The following MBNL3 variants were observed in gnomAD, a reference collection of about 807,000 sequenced individuals.
MBNL3 encodes the protein muscleblind-like protein 3.
MBNL3 carries 6 observed loss-of-function variants against 24.5 expected under a neutral mutation model. The observed-to-expected ratio is 0.25, with a 90% CI of 0.13 to 0.48. The LOEUF (loss-of-function observed/expected upper bound fraction) is 0.48, where lower values mean the gene tolerates loss of function less well. Ranked by LOEUF, MBNL3 falls within the 20% of genes least tolerant of loss-of-function variation. The pLI, the probability that MBNL3 is intolerant of heterozygous loss-of-function variation, is 0.99. For synonymous variants in MBNL3, 100 were observed against 101.7 expected (o/e 0.98, Z 0.10); for missense variants, 230 against 293.5 (o/e 0.78, Z 1.58).
At chrX:132,471,547 G>A (rs1249765558) in intron 1 of MBNL3, among the ~76,000 whole-genome samples, 4 of 112,543 alleles carry the variant, frequency 3.6e-5, no homozygotes, top group South Asian at 3.7e-4. Context: ...CTAGCCAAGC[G>A]TGGTGGCACA....
intron 1 of MBNL3, among the ~76,000 whole-genome samples, chrX:132,444,635 A>C (rs1195227314): frequency 9.0e-6 from 1 of 111,666 alleles, no homozygotes; most frequent in Non-Finnish European, 1.9e-5. Context: ...GAAACCTTTC[A>C]TAAGTATTCT....
intron 1 of MBNL3, among the ~76,000 whole-genome samples, chrX:132,467,398 T>C (rs1033955696): frequency 4.5e-5 from 5 of 112,348 alleles, no homozygotes; most frequent in Admixed American, 2.8e-4. Flanking sequence ...ATAAAGACTA[T>C]TTGTTGGTAA....
At chrX:132,476,949 T>C (rs1947473412) in intron 1 of MBNL3, among the ~76,000 whole-genome samples, 1 of 111,808 alleles carries the variant, frequency 8.9e-6, no homozygotes, top group African/African-American at 3.3e-5. Flanking sequence ...CAACTGACTC[T>C]ATACTACTCT....
At chrX:132,392,594 T>G (rs1389908747) in intron 3 of MBNL3, among the ~76,000 whole-genome samples, 1 of 112,538 alleles carries the variant, frequency 8.9e-6, no homozygotes, top group Non-Finnish European at 1.9e-5. Flanking sequence ...ATTATCCAAA[T>G]TAAATCTCAC....
intron 1 of MBNL3, among the ~76,000 whole-genome samples, chrX:132,441,124 C>T (rs1473204856): frequency 1.8e-5 from 2 of 112,331 alleles, no homozygotes; most frequent in Non-Finnish European, 3.8e-5. Context: ...AAGAGCAAAA[C>T]ATGTTTTTCT....
In MBNL3 at chrX:132,373,803, C is replaced by T. The variant is rs1030867103; in HGVS notation, c.*5863G>A. Reference sequence around the variant, plus strand: ...ACATTGTCTTCCAGCTCCTGTGTTACGTAAGATTTTGGCTGGTTCTCTTCT... The same window carrying T: ...ACATTGTCTTCCAGCTCCTGTGTTATGTAAGATTTTGGCTGGTTCTCTTCT... On this transcript the variant is annotated 3_prime_UTR_variant, in exon 9 of 9. Transcript: ENST00000370853. 6.3e-5 allele frequency: 7 copies of T among 111,611 alleles called. No homozygotes were observed. The highest frequency in any genetic ancestry group is 6.5e-5 in the African/African-American group (2 of 30,743). The allele number at this position is 111,611 out of a possible 1,213,427, so 9.2% of individuals were successfully genotyped here. A position where few individuals can be genotyped will look rare whatever the true frequency, so the allele number is the denominator to read the frequency against.
At chrX:132,391,180 A>G (rs1401551253) in intron 4 of MBNL3, 97 bp from the exon 5 acceptor site, 35 of 576,034 alleles carry the variant, frequency 6.1e-5, no homozygotes, top group Non-Finnish European at 9.4e-5. Flanking sequence ...CAGTAATTAT[A>G]TATACATTGA....
At chrX:132,397,238 T>C (rs1262842573) in intron 3 of MBNL3, among the ~76,000 whole-genome samples, 1 of 109,455 alleles carries the variant, frequency 9.1e-6, no homozygotes, top group African/African-American at 3.3e-5. Flanking sequence ...TCTGAGGCAA[T>C]GCAATTCAAT....
intron 7 of MBNL3, among the ~76,000 whole-genome samples, chrX:132,383,724 T>C (rs1242785901): frequency 8.9e-6 from 1 of 111,930 alleles, no homozygotes; most frequent in Non-Finnish European, 1.9e-5. Flanking sequence ...ACTATGTGGT[T>C]GTCATTTTGA....
At chrX:132,402,431 C>A (rs1603188800) in intron 3 of MBNL3, among the ~76,000 whole-genome samples, 2 of 111,668 alleles carry the variant, frequency 1.8e-5, no homozygotes, top group Admixed American at 1.9e-4. Context: ...ATTGTAAAAC[C>A]AAAATTTTAA....
At position 132,371,782 on chromosome X, in the gene MBNL3, T is replaced by G. The variant is rs1933629923; in HGVS notation, c.*7884A>C. ...AGTAACTTCAATCTTATAAGAGTAA[T>G]AGGTCTAACACAACGGATATATTAT... is the stretch of plus-strand genomic sequence containing the variant. On this transcript the variant is annotated 3_prime_UTR_variant, in exon 9 of 9. Transcript: ENST00000370853. 1 of 111,562 alleles carries G rather than the reference T, an allele frequency of 9.0e-6. No individual in the cohort carries two copies. The highest frequency in any genetic ancestry group is 9.5e-5 in the Admixed American group (1 of 10,473). The allele number at this position is 111,562 out of a possible 1,213,427, so 9.2% of individuals were successfully genotyped here. A position where few individuals can be genotyped will look rare whatever the true frequency, so the allele number is the denominator to read the frequency against.
At chrX:132,454,091 CAAAAAG>C (rs942224505) in intron 1 of MBNL3, among the ~76,000 whole-genome samples, 21 of 110,861 alleles carry the variant, frequency 1.9e-4, no homozygotes, top group African/African-American at 6.6e-4. Context: ...AATTCTGTCT[CAAAAAG>C]AAAAAGAAAA....
At chrX:132,420,636 C>T (rs749142338) in intron 2 of MBNL3, among the ~76,000 whole-genome samples, 11 of 110,687 alleles carry the variant, frequency 9.9e-5, no homozygotes, top group Non-Finnish European at 1.5e-4. Flanking sequence ...CCTGATTGAT[C>T]GGGTGTGAGC....
At chrX:132,469,662 T>C (rs1323360536) in intron 1 of MBNL3, among the ~76,000 whole-genome samples, 1 of 112,511 alleles carries the variant, frequency 8.9e-6, no homozygotes, top group African/African-American at 3.2e-5. Context: ...GGGAATAATA[T>C]AACATATATC....
At chrX:132,407,103 T>A (rs1448161758) in intron 2 of MBNL3, among the ~76,000 whole-genome samples, 1 of 112,304 alleles carries the variant, frequency 8.9e-6, no homozygotes, top group Non-Finnish European at 1.9e-5. Flanking sequence ...GTTCACCAAG[T>A]GTTTTCATTC....
chrX:132,387,085 C>A (rs900115340), intron 5 of MBNL3, among the ~76,000 whole-genome samples: 1 of 108,337 alleles, frequency 9.2e-6, no homozygotes, highest in African/African-American at 3.4e-5. Flanking sequence ...CCAGCCCGGG[C>A]AATATGGCAA....
intron 2 of MBNL3, among the ~76,000 whole-genome samples, chrX:132,438,854 G>T (rs1945255330): frequency 9.3e-6 from 1 of 107,142 alleles, no homozygotes; most frequent in Non-Finnish European, 1.9e-5. Context: ...AAAATTAAGT[G>T]AACCTAGTTT....
At chrX:132,461,408 T>C (rs916204340) in intron 1 of MBNL3, among the ~76,000 whole-genome samples, 1 of 111,522 alleles carries the variant, frequency 9.0e-6, no homozygotes, top group Non-Finnish European at 1.9e-5. Flanking sequence ...AAGGCTAAGA[T>C]ACCATGAGTC....
chrX:132,461,818 C>G lies in MBNL3; in HGVS notation c.-703-21504G>C, dbSNP rs1415128808. On this transcript the variant is annotated intron_variant, in intron 1 of 8. Transcript: ENST00000370853. Reference sequence around the variant, plus strand: ...CTAACAAGATATCCCAAGTGCAAAGCACTACATTGATAGCAGATGATTCAG... The same window carrying G: ...CTAACAAGATATCCCAAGTGCAAAGGACTACATTGATAGCAGATGATTCAG... Among the ~76,000 whole-genome samples the G allele has an allele frequency of 6.3e-5, 7 of 111,561 alleles. No homozygotes were observed. The Admixed American group carries it at 6.7e-4, about 11-fold the overall frequency.
Sources: gnomAD v4.1 joint callset for allele counts (sites outside exome capture counted in the v4.1 genomes callset) on GRCh38, gnomAD v4.1.1 for gene constraint, MANE v1.5 for transcripts, NCBI Gene and HGNC (gene_info 2026-07-23, HGNC 2026-07-21) for gene names.